CCSER1: variants seen among roughly 807,000 people sequenced by gnomAD.
The protein encoded by CCSER1 is coiled-coil serine rich protein 1.
Under a neutral mutation model 82.0 loss-of-function variants are expected in CCSER1, and 41 were observed. The observed-to-expected ratio is 0.50, with a 90% confidence interval of 0.39 to 0.65. The LOEUF is 0.65. Among genes scored for constraint, CCSER1 ranks in the 30% least tolerant of loss-of-function variants. The probability of loss-of-function intolerance (pLI) is 0.00; values close to 1 mark genes in which losing one functional copy is unlikely to be tolerated. For missense variants in CCSER1, 1,119 were observed against 1,064.2 expected (o/e 1.05, Z -0.72); for synonymous variants, 414 against 383.9 (o/e 1.08, Z -0.92).
intron 10 of CCSER1, among the ~76,000 whole-genome samples, chr4:91,520,806 T>C (rs1760417650): frequency 6.6e-6 from 1 of 152,206 alleles, no homozygotes; most frequent in Non-Finnish European, 1.5e-5. Flanking sequence ...GTAAGAGTCC[T>C]GTGTAACAAT....
chr4:91,075,459 A>G (rs1302178617), intron 9 of CCSER1, among the ~76,000 whole-genome samples: 1 of 152,156 alleles, frequency 6.6e-6, no homozygotes, highest in South Asian at 2.1e-4. Flanking sequence ...TATTACATTT[A>G]TATATGGTTG....
chr4:91,012,429 G>A (rs6811256), intron 9 of CCSER1, among the ~76,000 whole-genome samples: 62,286 of 113,584 alleles, frequency 0.55, 21,788 homozygotes, highest in Non-Finnish European at 0.71. Context: ...GCATAAAGAG[G>A]GGCTCCACAA....
At chr4:90,511,738 A>C (rs116391507) in intron 5 of CCSER1, among the ~76,000 whole-genome samples, 69 of 152,316 alleles carry the variant, frequency 4.5e-4, no homozygotes, top group African/African-American at 1.5e-3. Context: ...ATAACGTGTA[A>C]AGAGAACAAA....
chr4:91,311,206 A>G (rs1333336091), intron 10 of CCSER1, among the ~76,000 whole-genome samples: 2 of 151,940 alleles, frequency 1.3e-5, no homozygotes, highest in Non-Finnish European at 2.9e-5. Flanking sequence ...AAATTCTTTA[A>G]CCATTAGCTT....
At chr4:90,492,464 A>T (rs1254473574) in intron 5 of CCSER1, among the ~76,000 whole-genome samples, 2 of 152,066 alleles carry the variant, frequency 1.3e-5, no homozygotes, top group Non-Finnish European at 2.9e-5. Context: ...TTTTCAAAAA[A>T]CCAGCTCCTG....
chr4:91,451,824 A>G (rs546282983), intron 10 of CCSER1, among the ~76,000 whole-genome samples: 1 of 152,158 alleles, frequency 6.6e-6, no homozygotes, highest in South Asian at 2.1e-4. Context: ...TAAGTAATTT[A>G]AGTAAAAATG....
At chr4:90,757,247 G>T (rs1749683706) in intron 7 of CCSER1, among the ~76,000 whole-genome samples, 1 of 152,182 alleles carries the variant, frequency 6.6e-6, no homozygotes, top group African/African-American at 2.4e-5. Flanking sequence ...AATTAGCTGA[G>T]AAAAGGAGTT....
At chr4:91,012,530 A>C (rs973036858) in intron 9 of CCSER1, among the ~76,000 whole-genome samples, 8 of 152,108 alleles carry the variant, frequency 5.3e-5, no homozygotes, top group African/African-American at 1.9e-4. Flanking sequence ...GGGTGGGTGA[A>C]GTACCTCTAA....
At chr4:91,009,128 T>G (rs1219416615) in intron 9 of CCSER1, among the ~76,000 whole-genome samples, 1 of 152,168 alleles carries the variant, frequency 6.6e-6, no homozygotes, top group Non-Finnish European at 1.5e-5. Flanking sequence ...GGGTCTGAGA[T>G]GTCAGCAAAC....
chr4:90,184,409 C>A (rs1734240156), intron 1 of CCSER1, among the ~76,000 whole-genome samples: 1 of 152,042 alleles, frequency 6.6e-6, no homozygotes, highest in African/African-American at 2.4e-5. Flanking sequence ...TGACTGACTT[C>A]TTAAAATTTT....
intron 1 of CCSER1, among the ~76,000 whole-genome samples, chr4:90,182,350 A>G (rs1403392081): frequency 6.6e-6 from 1 of 152,076 alleles, no homozygotes; most frequent in African/African-American, 2.4e-5. Context: ...GATGAATGGA[A>G]TTTTCTAGGA....
At chr4:90,423,018 T>C (rs910168946) in intron 4 of CCSER1, among the ~76,000 whole-genome samples, 8 of 152,192 alleles carry the variant, frequency 5.3e-5, no homozygotes, top group South Asian at 2.1e-4. Flanking sequence ...TGTCTACTTA[T>C]TGAACATCAG....
At chr4:91,332,813 C>G (rs1320573304) in intron 10 of CCSER1, among the ~76,000 whole-genome samples, 1 of 151,936 alleles carries the variant, frequency 6.6e-6, no homozygotes, top group East Asian at 1.9e-4. Flanking sequence ...TCTGAACCTA[C>G]TTTTTATATA....
intron 3 of CCSER1, among the ~76,000 whole-genome samples, chr4:90,371,049 A>G (rs1988337): frequency 0.68 from 102,522 of 151,802 alleles, 36,969 homozygotes; most frequent in African/African-American, 0.92. Context: ...ACAAGCTATC[A>G]CAGGAAACAA....
At chr4:90,196,656 TACACACACACAC>T (rs34346681) in intron 1 of CCSER1, among the ~76,000 whole-genome samples, 1 of 143,802 alleles carries the variant, frequency 7.0e-6, no homozygotes, top group Non-Finnish European at 1.5e-5. Context: ...CCTGCTCAGA[TACACACACACAC>T]ACACACACAC....
intron 8 of CCSER1, among the ~76,000 whole-genome samples, chr4:90,903,469 T>C (rs1177221565): frequency 6.6e-6 from 1 of 152,102 alleles, no homozygotes; most frequent in Non-Finnish European, 1.5e-5. Context: ...TATGTCTTTA[T>C]CAGCAGCATG....
At chr4:90,259,697 C>A (rs1463020356) in intron 1 of CCSER1, among the ~76,000 whole-genome samples, 2 of 151,962 alleles carry the variant, frequency 1.3e-5, no homozygotes, top group African/African-American at 2.4e-5. Context: ...AGTGCTTTTC[C>A]CTTATCTATT....
chr4:90,400,024 A>T lies in CCSER1; in HGVS notation c.1510-12A>T, dbSNP rs757075922. 36 of 1,547,000 alleles carry T rather than the reference A, an allele frequency of 2.3e-5. No individual in the cohort carries two copies. Among genetic ancestry groups the T allele is most frequent in the South Asian group, 5.7e-5 (5 of 88,314 alleles). ...TTTTGGTTTCTAATTGTTGGTTTTG[A>T]TTTTTCTTCAGGATGTTTTGAATAA... On this transcript the variant is annotated splice_polypyrimidine_tract_variant and intron_variant, in intron 3 of 10. Coordinates refer to ENST00000509176, the MANE Select transcript of CCSER1 (RefSeq NM_001145065.2).
intron 10 of CCSER1, among the ~76,000 whole-genome samples, chr4:91,474,808 T>C (rs879277844): frequency 0.22 from 13,940 of 63,848 alleles, 738 homozygotes; most frequent in East Asian, 0.27. Flanking sequence ...TATATATATA[T>C]ATATACACAC....
Sources: gnomAD v4.1 joint callset for allele counts (sites outside exome capture counted in the v4.1 genomes callset) on GRCh38, gnomAD v4.1.1 for gene constraint, MANE v1.5 for transcripts, NCBI Gene and HGNC (gene_info 2026-07-23, HGNC 2026-07-21) for gene names.